SYN3: variants seen among roughly 807,000 people sequenced by gnomAD.
The protein encoded by SYN3 is synapsin-3.
A neutral mutation model predicts 65.8 loss-of-function variants in SYN3; 35 were observed. That is an observed-to-expected ratio of 0.53 (90% confidence interval 0.41 to 0.70). The LOEUF (loss-of-function observed/expected upper bound fraction) is 0.70. SYN3 is among the 30% of genes least tolerant of loss of function. The pLI is 0.00. For missense variants in SYN3, 680 were observed against 749.0 expected (o/e 0.91, Z 1.08); for synonymous variants, 270 against 292.9 (o/e 0.92, Z 0.80).
At chr22:32,852,932 G>A (rs1365065442) in intron 6 of SYN3, among the ~76,000 whole-genome samples, 7 of 152,280 alleles carry the variant, frequency 4.6e-5, no homozygotes, top group Non-Finnish European at 2.9e-5. Flanking sequence ...TTTATGTAGC[G>A]GAGACATGCT....
At chr22:32,546,396 G>A (rs1410804622) in intron 7 of SYN3, among the ~76,000 whole-genome samples, 1 of 152,240 alleles carries the variant, frequency 6.6e-6, no homozygotes, top group Non-Finnish European at 1.5e-5. Context: ...ACTGTTTCAA[G>A]GAAACTTGTC....
chr22:32,875,665 G>A (rs2048964069), intron 4 of SYN3, among the ~76,000 whole-genome samples: 1 of 152,190 alleles, frequency 6.6e-6, no homozygotes, highest in Admixed American at 6.5e-5. Context: ...ACACACAGGG[G>A]AAGAGAATGC....
intron 3 of SYN3, among the ~76,000 whole-genome samples, chr22:32,961,175 C>A (rs2051638661): frequency 6.6e-6 from 1 of 152,146 alleles, no homozygotes; most frequent in South Asian, 2.1e-4. Flanking sequence ...CAGGAGATCT[C>A]CCCTGTTGTG....
chr22:32,620,182 A>G (rs1489591514), intron 6 of SYN3, among the ~76,000 whole-genome samples: 1 of 152,246 alleles, frequency 6.6e-6, no homozygotes, highest in African/African-American at 2.4e-5. Flanking sequence ...TCTGGTTGGA[A>G]AAAATTTCAA....
rs1555895619 is a variant in SYN3 at position 32,556,804 on chromosome 22, G to GTTT, written c.775-15094_775-15092dup. Among the ~76,000 whole-genome samples, 26 of 43,904 alleles carry GTTT rather than the reference G, an allele frequency of 5.9e-4. 6 individuals carry two copies. Among genetic ancestry groups the GTTT allele is most frequent in the Admixed American group, 1.3e-3 (4 of 2,992 alleles). The allele number at this position is 43,904 out of a possible 152,430, so 28.8% of individuals were successfully genotyped here. On this transcript the variant is annotated intron_variant, in intron 7 of 13. Coordinates refer to ENST00000358763, the MANE Select transcript of SYN3 (RefSeq NM_003490.4). ...AATGACCCAATCTATAGGTTTCCTGGTTTTTTTTTTTTTTTTTTTTTTTTT... is the reference window on the plus strand; with the variant it reads ...AATGACCCAATCTATAGGTTTCCTGGTTTTTTTTTTTTTTTTTTTTTTTTTTTT...
intron 6 of SYN3, among the ~76,000 whole-genome samples, chr22:32,665,507 A>C (rs2060278103): frequency 6.7e-6 from 1 of 149,416 alleles, no homozygotes; most frequent in African/African-American, 2.6e-5. Context: ...ATATATATAT[A>C]TATGTCTCAC....
At position 33,034,590 on chromosome 22, in the gene SYN3, C is replaced by T. The variant is rs941030737; in HGVS notation, c.-163+23702G>A. ...TGACTCACTTCACCCTCTCTCCAGA[C>T]GGGGAGCATTTTTCTCCTAAATAAC... On this transcript the variant is annotated intron_variant, in intron 1 of 13. Transcript: ENST00000358763. 3.9e-5 allele frequency among the ~76,000 whole-genome samples: 6 copies of T among 152,058 alleles called. No homozygotes were observed. In the East Asian group the frequency reaches 7.8e-4, roughly 20 times the overall value.
At chr22:33,005,279 T>TG (rs1184638820) in intron 2 of SYN3, among the ~76,000 whole-genome samples, 1 of 152,168 alleles carries the variant, frequency 6.6e-6, no homozygotes, top group Non-Finnish European at 1.5e-5. Context: ...CCAAAAGCCA[T>TG]GTATGAGTCC....
intron 6 of SYN3, among the ~76,000 whole-genome samples, chr22:32,663,421 C>T (rs577925155): frequency 6.6e-6 from 1 of 151,982 alleles, no homozygotes; most frequent in Non-Finnish European, 1.5e-5. Context: ...GCCTCAGCCG[C>T]CCGAATAGCT....
chr22:32,960,210 C>T (rs1193811786), intron 3 of SYN3, among the ~76,000 whole-genome samples: 5 of 152,120 alleles, frequency 3.3e-5, no homozygotes, highest in African/African-American at 4.8e-5. Flanking sequence ...GCCTGGAGCA[C>T]GCCCTCTGAA....
At chr22:32,873,942 C>T (rs549790977) in intron 4 of SYN3, among the ~76,000 whole-genome samples, 18 of 151,540 alleles carry the variant, frequency 1.2e-4, no homozygotes, top group East Asian at 3.9e-4. Context: ...GCCTGGCCAA[C>T]GTGGCAAAAC....
chr22:32,524,457 T>G (rs2057942017), intron 12 of SYN3, among the ~76,000 whole-genome samples: 1 of 152,206 alleles, frequency 6.6e-6, no homozygotes. Flanking sequence ...CTGTGCTGTG[T>G]AAATGGAAAA....
At chr22:32,739,912 C>G (rs571577709) in intron 6 of SYN3, among the ~76,000 whole-genome samples, 1 of 152,292 alleles carries the variant, frequency 6.6e-6, no homozygotes, top group African/African-American at 2.4e-5. Context: ...GAAGAATAGT[C>G]CTGCTGCACC....
chr22:32,763,426 C>T (rs1295356276), intron 6 of SYN3, among the ~76,000 whole-genome samples: 2 of 152,212 alleles, frequency 1.3e-5, no homozygotes, highest in Non-Finnish European at 2.9e-5. Context: ...GCTGGGATTA[C>T]AGGCGTGAGC....
intron 6 of SYN3, among the ~76,000 whole-genome samples, chr22:32,620,162 A>G (rs1346680678): frequency 2.0e-5 from 3 of 152,266 alleles, no homozygotes; most frequent in Non-Finnish European, 2.9e-5. Context: ...TAAACCTTAA[A>G]GATCTTAAAT....
chr22:33,052,022 G>GT (rs1349253284), intron 1 of SYN3, among the ~76,000 whole-genome samples: 1 of 152,082 alleles, frequency 6.6e-6, no homozygotes, highest in Non-Finnish European at 1.5e-5. Context: ...CTTGGATTAG[G>GT]AAGGCCCTAA....
At chr22:32,710,274 TGGTTTAACAC>T (rs1453611820) in intron 6 of SYN3, among the ~76,000 whole-genome samples, 1 of 151,556 alleles carries the variant, frequency 6.6e-6, no homozygotes, top group East Asian at 2.0e-4. Context: ...TGGTTCCTCA[TGGTTTAACAC>T]CATCCACCTT....
chr22:32,538,682 G>A (rs896822869), intron 8 of SYN3, among the ~76,000 whole-genome samples: 10 of 151,604 alleles, frequency 6.6e-5, no homozygotes, highest in East Asian at 5.9e-4. Flanking sequence ...CCTTTACTCC[G>A]TACAGTCTTT....
At chr22:33,041,567 G>C (rs1038064516) in intron 1 of SYN3, among the ~76,000 whole-genome samples, 5 of 152,000 alleles carry the variant, frequency 3.3e-5, no homozygotes, top group Non-Finnish European at 7.4e-5. Context: ...CAAAGTGCTG[G>C]AATTACAGGC....
Sources: gnomAD v4.1 joint callset for allele counts (sites outside exome capture counted in the v4.1 genomes callset) on GRCh38, gnomAD v4.1.1 for gene constraint, MANE v1.5 for transcripts, NCBI Gene and HGNC (gene_info 2026-07-23, HGNC 2026-07-21) for gene names.